Variants in KMT2C observed in about 807,000 individuals in gnomAD.
The protein encoded by KMT2C is lysine methyltransferase 2C, also known as histone-lysine N-methyltransferase 2C.
Under a neutral mutation model 507.9 loss-of-function variants are expected in KMT2C, and 88 were observed. That is an observed-to-expected ratio of 0.17 (90% confidence interval 0.15 to 0.21). The LOEUF (loss-of-function observed/expected upper bound fraction) is 0.21. Ranked by LOEUF, KMT2C falls within the 10% of genes least tolerant of loss-of-function variation. The probability of loss-of-function intolerance (pLI) is 1.00; values close to 1 mark genes in which losing one functional copy is unlikely to be tolerated. For synonymous variants in KMT2C, 2,049 were observed against 2,080.8 expected (o/e 0.98, Z 0.42); for missense variants, 4,954 against 5,957.8 (o/e 0.83, Z 5.55).
chr7:152,367,195 A>C lies in KMT2C; in HGVS notation c.162-8520T>G, dbSNP rs867415712. On this transcript the variant is annotated intron_variant, in intron 1 of 58. Transcript: ENST00000262189. ...GATGGTCTCCCACTCAGAGCTGAGG[A>C]AGCTTTTCTACTCAGCAGATGCAGT... The C allele has an allele frequency of 4.6e-5, 68 of 1,492,462 alleles. No individual in the cohort carries two copies. In the African/African-American group the frequency reaches 7.1e-4, roughly 16 times the overall value. The allele number at this position is 1,492,462 out of a possible 1,614,324, so 92.5% of individuals were successfully genotyped here. A position where few individuals can be genotyped will look rare whatever the true frequency, so the allele number is the denominator to read the frequency against.
chr7:152,320,258 G>GT (rs983116106), intron 3 of KMT2C, among the ~76,000 whole-genome samples: 78 of 151,742 alleles, frequency 5.1e-4, no homozygotes, highest in Admixed American at 1.2e-3. Flanking sequence ...TTTTGTTTTT[G>GT]TTTTTTTTGA....
At chr7:152,150,403 G>A (rs1404082574) in intron 51 of KMT2C, among the ~76,000 whole-genome samples, 1 of 152,130 alleles carries the variant, frequency 6.6e-6, no homozygotes, top group Non-Finnish European at 1.5e-5. Context: ...CGGATCACGA[G>A]GTCAGGAGTT....
At chr7:152,275,152 A>C (rs1314807112) in intron 6 of KMT2C, among the ~76,000 whole-genome samples, 2 of 152,226 alleles carry the variant, frequency 1.3e-5, no homozygotes, top group African/African-American at 4.8e-5. Flanking sequence ...ATCACATACT[A>C]TCAAACTCTT....
At chr7:152,205,422 C>T (rs1428136421) in intron 24 of KMT2C, among the ~76,000 whole-genome samples, 197 bp from the exon 25 acceptor site, 1 of 147,582 alleles carries the variant, frequency 6.8e-6, no homozygotes, top group Non-Finnish European at 1.5e-5. Flanking sequence ...AAGGCAAAGC[C>T]ACTCTTATCA....
intron 6 of KMT2C, among the ~76,000 whole-genome samples, chr7:152,292,794 CT>C (rs2096449441): frequency 6.6e-6 from 1 of 152,102 alleles, no homozygotes; most frequent in African/African-American, 2.4e-5. Flanking sequence ...AGCTTCTCAG[CT>C]TTTCAACCTC....
chr7:152,409,468 A>G (rs1269109294), intron 1 of KMT2C, among the ~76,000 whole-genome samples: 2 of 151,936 alleles, frequency 1.3e-5, no homozygotes, highest in Non-Finnish European at 2.9e-5. Flanking sequence ...CTGTAATCCC[A>G]GCATTTTGGG....
intron 1 of KMT2C, among the ~76,000 whole-genome samples, chr7:152,428,969 C>G (rs1182181389): frequency 1.3e-5 from 2 of 152,180 alleles, no homozygotes; most frequent in African/African-American, 2.4e-5. Context: ...CTTGGCCTCA[C>G]CACTACACAC....
At position 152,205,604 on chromosome 7, in the gene KMT2C, T is replaced by C. The variant is rs896459950; in HGVS notation, c.3842-379A>G. Among the ~76,000 whole-genome samples the C allele has an allele frequency of 7.9e-5, 12 of 152,202 alleles. No individual in the cohort carries two copies. The South Asian group carries it at 1.2e-3, about 16-fold the overall frequency. ...TGATGTTGGTCAACAAAGGGCTGCA[T>C]GTCAAGGCAGTGGTCCCATAAGATT... is the stretch of plus-strand genomic sequence containing the variant. On this transcript the variant is annotated intron_variant, in intron 24 of 58. Coordinates refer to ENST00000262189, the MANE Select transcript of KMT2C (RefSeq NM_170606.3).
At chr7:152,320,534 C>A (rs1359522644) in intron 3 of KMT2C, among the ~76,000 whole-genome samples, 1 of 151,968 alleles carries the variant, frequency 6.6e-6, no homozygotes, top group Non-Finnish European at 1.5e-5. Context: ...CAGGCATGAA[C>A]CACCACACCT....
At chr7:152,361,649 A>G (rs1265482508) in intron 1 of KMT2C, among the ~76,000 whole-genome samples, 1 of 152,186 alleles carries the variant, frequency 6.6e-6, no homozygotes, top group East Asian at 1.9e-4. Flanking sequence ...AGAAAATTTG[A>G]TCAATCCAAC....
At chr7:152,398,131 T>C (rs1286991967) in intron 1 of KMT2C, among the ~76,000 whole-genome samples, 1 of 152,196 alleles carries the variant, frequency 6.6e-6, no homozygotes, top group Non-Finnish European at 1.5e-5. Flanking sequence ...CACATTTTAT[T>C]TTCTTCATAG....
chr7:152,256,343 AAAAC>A (rs997849907), intron 9 of KMT2C, among the ~76,000 whole-genome samples: 1 of 152,074 alleles, frequency 6.6e-6, no homozygotes, highest in African/African-American at 2.4e-5. Flanking sequence ...AAAAATAATA[AAAAC>A]AAAGTCAAAA....
chr7:152,303,351 A>G (rs186927214), intron 6 of KMT2C, among the ~76,000 whole-genome samples: 207 of 152,322 alleles, frequency 1.4e-3, no homozygotes, highest in African/African-American at 4.7e-3. Flanking sequence ...TTGGTGTGGG[A>G]GGCTGTCCTG....
Position 152,185,650 on chromosome 7 carries a change from G to C in KMT2C, c.5009-19C>G. ...GTCCAATCTGCAACAAAAGAACAGA[G>C]TATAACACTTTCTCAGAGCCATGCT... is the stretch of plus-strand genomic sequence containing the variant. On this transcript the variant is annotated intron_variant, in intron 33 of 58. Coordinates refer to ENST00000262189, the MANE Select transcript of KMT2C (RefSeq NM_170606.3). 1.6e-6 allele frequency: 2 copies of C among 1,232,528 alleles called. No individual in the cohort carries two copies. Among genetic ancestry groups the C allele is most frequent in the Non-Finnish European group, 2.3e-6 (2 of 860,578 alleles). 76.3% of individuals were successfully genotyped at this position (1,232,528 alleles called of 1,614,324 possible).
chr7:152,199,579 T>C (rs752102373), intron 26 of KMT2C, 120 bp from the exon 27 acceptor site: 9 of 516,994 alleles, frequency 1.7e-5, no homozygotes, highest in Admixed American at 8.3e-5. Flanking sequence ...TTTAACAATA[T>C]AGAAACTGAA....
chr7:152,364,617 A>AAAAAAAAAAG (rs56810754), intron 1 of KMT2C, among the ~76,000 whole-genome samples: 17 of 150,006 alleles, frequency 1.1e-4, no homozygotes, highest in African/African-American at 2.5e-4. Flanking sequence ...TCCAAAAAAA[A>AAAAAAAAAAG]AAAGAAAAGA....
chr7:152,326,253 C>G (rs2096827412), intron 3 of KMT2C, among the ~76,000 whole-genome samples: 1 of 152,056 alleles, frequency 6.6e-6, no homozygotes, highest in African/African-American at 2.4e-5. Context: ...TTAGAATTTT[C>G]TTGAACCTAC....
intron 40 of KMT2C, 146 bp downstream of exon 40, chr7:152,171,118 A>C (rs1040249587): frequency 2.9e-5 from 13 of 455,744 alleles, no homozygotes; most frequent in Non-Finnish European, 5.0e-5. Flanking sequence ...GGTTTTTGCC[A>C]CTGGCAAATG....
chr7:152,190,182 G>T (rs6950174), intron 31 of KMT2C, among the ~76,000 whole-genome samples: 1 of 152,106 alleles, frequency 6.6e-6, no homozygotes, highest in Non-Finnish European at 1.5e-5. Context: ...TCCCTGGTGC[G>T]AAAAAGGCTG....
Sources: allele counts gnomAD v4.1 joint callset (sites outside exome capture counted in the v4.1 genomes callset), GRCh38; gene constraint gnomAD v4.1.1; transcripts MANE v1.5; gene names NCBI Gene and HGNC (gene_info 2026-07-23, HGNC 2026-07-21).